Variants in CACYBP observed in about 807,000 individuals in gnomAD.
The protein encoded by CACYBP is calcyclin binding protein, also known as calcyclin-binding protein.
Under a neutral mutation model 29.6 loss-of-function variants are expected in CACYBP, and 11 were observed. The observed-to-expected ratio is 0.37, with a 90% CI of 0.23 to 0.61. The LOEUF is 0.61. Among genes scored for constraint, CACYBP ranks in the 20% least tolerant of loss-of-function variants. The probability of loss-of-function intolerance (pLI) is 0.65; values close to 1 mark genes in which losing one functional copy is unlikely to be tolerated. For missense variants in CACYBP, 163 were observed against 260.7 expected (o/e 0.63, Z 2.58); for synonymous variants, 73 against 88.3 (o/e 0.83, Z 0.97).
Position 175,011,467 on chromosome 1 carries a change from T to C in CACYBP, c.*1388T>C, listed in dbSNP as rs1266479813. Reference sequence around the variant, plus strand: ...AAAGCATACAAATACTAGAAGAAAATGGAGGAAAACGACATTATATGTGAC... The same window carrying C: ...AAAGCATACAAATACTAGAAGAAAACGGAGGAAAACGACATTATATGTGAC... On this transcript the variant is annotated 3_prime_UTR_variant, in exon 6 of 6. Coordinates refer to ENST00000367679, the MANE Select transcript of CACYBP (RefSeq NM_014412.3). 3.3e-5 allele frequency: 5 copies of C among 151,744 alleles called. No individual in the cohort carries two copies. In the South Asian group the frequency reaches 6.2e-4, roughly 19 times the overall value. 9.4% of individuals were successfully genotyped at this position (151,744 alleles called of 1,614,324 possible). A position where few individuals can be genotyped will look rare whatever the true frequency, so the allele number is the denominator to read the frequency against.
Position 175,010,912 on chromosome 1 carries a change from C to T in CACYBP, c.*833C>T, listed in dbSNP as rs754386242. The T allele has an allele frequency of 3.3e-5, 5 of 152,020 alleles. No homozygotes were observed. The highest frequency in any genetic ancestry group is 6.6e-5 in the Admixed American group (1 of 15,248). The allele number at this position is 152,020 out of a possible 1,614,324, so 9.4% of individuals were successfully genotyped here. On this transcript the variant is annotated 3_prime_UTR_variant, in exon 6 of 6. Coordinates refer to ENST00000367679, the MANE Select transcript of CACYBP (RefSeq NM_014412.3). ...GGACCAGTGCCTGTGATCTCCATTA[C>T]TTTATTTTCCTGGAGGTATTAGCCA... is the stretch of plus-strand genomic sequence containing the variant.
chr1:175,004,552 A>G, intron 1 of CACYBP, 62 bp from the exon 2 acceptor site: 2 of 976,354 alleles, frequency 2.0e-6, no homozygotes, highest in Non-Finnish European at 1.5e-6. Context: ...AATGAGTGAT[A>G]CGCACAATAT....
chr1:175,003,503 T>C lies in CACYBP; in HGVS notation c.16-1111T>C, dbSNP rs115320002. Among the ~76,000 whole-genome samples, 737 of 152,326 alleles carry C rather than the reference T, an allele frequency of 4.8e-3. 9 individuals are homozygous for C. Among genetic ancestry groups the C allele is most frequent in the African/African-American group, 0.017 (712 of 41,576 alleles). ...GTTAAATGAGATAACAAAAGACTTG[T>C]AGTAAAAGAAAAGAATTAGTTCTGT... On this transcript the variant is annotated intron_variant, in intron 1 of 5. Transcript: ENST00000367679.
In CACYBP at chr1:175,006,849, C is replaced by G. The variant is rs369081704; in HGVS notation, c.332+8C>G. 14 of 1,452,128 alleles carry G rather than the reference C, an allele frequency of 9.6e-6. No individual in the cohort carries two copies. The African/African-American group carries it at 1.7e-4, about 17-fold the overall frequency. 90.0% of individuals were successfully genotyped at this position (1,452,128 alleles called of 1,614,324 possible). On this transcript the variant is annotated splice_region_variant and intron_variant, in intron 3 of 5. Transcript: ENST00000367679. Reference sequence around the variant, plus strand: ...GGTGCATTTCACAGAGAGGTGAGTTCTCATTATAATGGGAAAGACAGTGAA... The same window carrying G: ...GGTGCATTTCACAGAGAGGTGAGTTGTCATTATAATGGGAAAGACAGTGAA...
intron 5 of CACYBP, among the ~76,000 whole-genome samples, chr1:175,009,665 A>T (rs1672701028): frequency 6.7e-6 from 1 of 148,384 alleles, no homozygotes; most frequent in African/African-American, 2.4e-5. Flanking sequence ...AAAAAAAAAA[A>T]TCATGGGAAA....
At chr1:175,000,639 G>A (rs1672453194) in intron 1 of CACYBP, 1 of 1,023,788 alleles carries the variant, frequency 9.8e-7, no homozygotes, top group Non-Finnish European at 1.2e-6. Flanking sequence ...TCCTAGTCAG[G>A]TTTTCTCTAC....
chr1:175,004,226 A>G (rs1672560128), intron 1 of CACYBP, among the ~76,000 whole-genome samples: 1 of 152,176 alleles, frequency 6.6e-6, no homozygotes, highest in Admixed American at 6.5e-5. Flanking sequence ...AAATATTTTA[A>G]AAGTGTCTAA....
Position 175,000,011 on chromosome 1 carries a change from C to T in CACYBP, c.-170C>T, listed in dbSNP as rs1672422406. 6.4e-6 allele frequency: 6 copies of T among 944,120 alleles called. No individual in the cohort carries two copies. Among genetic ancestry groups the T allele is most frequent in the Non-Finnish European group, 9.7e-6 (6 of 617,926 alleles). 58.5% of individuals were successfully genotyped at this position (944,120 alleles called of 1,614,324 possible). A position where few individuals can be genotyped will look rare whatever the true frequency, so the allele number is the denominator to read the frequency against. On this transcript the variant is annotated 5_prime_UTR_variant, in exon 1 of 6. Coordinates refer to ENST00000367679, the MANE Select transcript of CACYBP (RefSeq NM_014412.3). ...TGCCTCGCGAAGGTTCGAGATCCGT[C>T]GCGTGCGGGAGGCGGGCCGCGATCT...
At position 175,011,912 on chromosome 1, in the gene CACYBP, G is replaced by A. The variant is rs1672766756; in HGVS notation, c.*1833G>A. Among the ~76,000 whole-genome samples, 1 of 152,142 alleles carries A rather than the reference G, an allele frequency of 6.6e-6. No individual in the cohort carries two copies. Among genetic ancestry groups the A allele is most frequent in the African/African-American group, 2.4e-5 (1 of 41,426 alleles). On this transcript the variant is annotated 3_prime_UTR_variant, in exon 6 of 6. Coordinates refer to ENST00000367679, the MANE Select transcript of CACYBP (RefSeq NM_014412.3). ...TGAGGTCAGGAGTTCAAGACCATCT[G>A]GCCAACATGGTGAAACCCTGTCTCT...
Position 175,004,630 on chromosome 1 carries a change from A to C in CACYBP, c.32A>C (p.Glu11Ala). Reference sequence around the variant, plus strand: ...TTAACACAGCTACAGAAAGATCTAGAAGAGGTAAAGGTGTTGCTGGAAAAG... The same window carrying C: ...TTAACACAGCTACAGAAAGATCTAGCAGAGGTAAAGGTGTTGCTGGAAAAG... Reference protein sequence around the residue: MASEELQKDLEEVKVLLEKAT... With the variant: MASEELQKDLAEVKVLLEKAT... The change falls in exon 2 of 6, where the codon GAA (glutamate) becomes GCA (alanine). Residue 11 changes from glutamate (E) to alanine (A), a missense_variant. By Grantham distance (107) the Glu-to-Ala change is moderately radical. Transcript: ENST00000367679. The C allele has an allele frequency of 6.2e-7, 1 of 1,600,196 alleles. No individual in the cohort carries two copies. The highest frequency in any genetic ancestry group is 8.5e-7 in the Non-Finnish European group (1 of 1,174,894).
In CACYBP at chr1:175,000,065, C is replaced by A; in HGVS notation, c.-116C>A. 1 of 1,410,024 alleles carries A rather than the reference C, an allele frequency of 7.1e-7. No homozygotes were observed. Among genetic ancestry groups the A allele is most frequent in the Non-Finnish European group, 9.8e-7 (1 of 1,020,856 alleles). 87.3% of individuals were successfully genotyped at this position (1,410,024 alleles called of 1,614,324 possible). The stretch of plus-strand genomic sequence containing the variant: ...GCAGGGTCGGTGTGGGCGCAGGCTG[C>A]AGCGCCGCGACTCGTGCGGGTAGGC... On this transcript the variant is annotated 5_prime_UTR_variant, in exon 1 of 6. Coordinates refer to ENST00000367679, the MANE Select transcript of CACYBP (RefSeq NM_014412.3).
At chr1:175,006,916 C>A in intron 3 of CACYBP, 75 bp downstream of exon 3, 1 of 948,224 alleles carries the variant, frequency 1.1e-6, no homozygotes. Context: ...CTCTTCTTTG[C>A]AGTTTTTAAA....
At chr1:175,006,700 GT>G in intron 2 of CACYBP, 44 bp from the exon 3 acceptor site, 1 of 969,648 alleles carries the variant, frequency 1.0e-6, no homozygotes, top group Non-Finnish European at 1.7e-6. Flanking sequence ...TCTAAAGATA[GT>G]TTCAGAGGCT....
chr1:175,006,430 A>G (rs766340668), intron 2 of CACYBP, among the ~76,000 whole-genome samples: 3 of 152,224 alleles, frequency 2.0e-5, no homozygotes, highest in Admixed American at 6.5e-5. Context: ...CTGTAAATGA[A>G]CTAATCTTAA....
At chr1:175,007,248 C>A in intron 4 of CACYBP, 51 bp downstream of exon 4, 1 of 1,105,600 alleles carries the variant, frequency 9.0e-7, no homozygotes. Flanking sequence ...CCAAATTGAA[C>A]CTGGCTGATT....
Position 175,011,217 on chromosome 1 carries a change from A to C in CACYBP, c.*1138A>C, listed in dbSNP as rs1171144421. On this transcript the variant is annotated 3_prime_UTR_variant, in exon 6 of 6. Transcript: ENST00000367679. ...ATTTGGAAGAAGTGGTAGGATTTAAAATACAGAAACAGTTTATGTATAGGA... is the reference window on the plus strand; with the variant it reads ...ATTTGGAAGAAGTGGTAGGATTTAACATACAGAAACAGTTTATGTATAGGA... 6.7e-6 allele frequency: 1 copy of C among 148,468 alleles called. No individual in the cohort carries two copies. Among genetic ancestry groups the C allele is most frequent in the Non-Finnish European group, 1.5e-5 (1 of 68,018 alleles). The allele number at this position is 148,468 out of a possible 1,614,324, so 9.2% of individuals were successfully genotyped here.
At chr1:175,001,057 CTTTTG>C (rs1270303828) in intron 1 of CACYBP, among the ~76,000 whole-genome samples, 4 of 152,146 alleles carry the variant, frequency 2.6e-5, no homozygotes, top group Admixed American at 6.5e-5. Flanking sequence ...GAGTCCCAAG[CTTTTG>C]TTTTGTTTTG....
At chr1:175,000,365 C>A in intron 1 of CACYBP, 170 bp downstream of exon 1, 1 of 1,425,770 alleles carries the variant, frequency 7.0e-7, no homozygotes, top group South Asian at 1.5e-5. Context: ...GCTGCGCCGT[C>A]GGCTCCCCAG....
intron 4 of CACYBP, 95 bp downstream of exon 4, chr1:175,007,292 CTG>C: frequency 2.7e-6 from 2 of 734,248 alleles, no homozygotes. Context: ...AATTTGTCCT[CTG>C]TAACAGGGAC....
Sources: gnomAD v4.1 joint callset for allele counts (sites outside exome capture counted in the v4.1 genomes callset) on GRCh38, gnomAD v4.1.1 for gene constraint, MANE v1.5 for transcripts, NCBI Gene and HGNC (gene_info 2026-07-23, HGNC 2026-07-21) for gene names.